The following LRP1B variants were observed in gnomAD, a reference collection of about 807,000 sequenced individuals.
LRP1B encodes low-density lipoprotein receptor-related protein 1B.
In LRP1B, 217 loss-of-function variants were observed where a neutral mutation model predicts 556.6. The ratio of observed to expected loss-of-function variants is 0.39; its 90% CI spans 0.35 to 0.44. The LOEUF is 0.44. Ranked by LOEUF, LRP1B falls within the 20% of genes least tolerant of loss-of-function variation. LRP1B has a pLI of 1.00. For missense variants in LRP1B, 5,053 were observed against 5,620.8 expected (o/e 0.90, Z 3.23); for synonymous variants, 2,047 against 1,865.8 (o/e 1.10, Z -2.50).
intron 1 of LRP1B, among the ~76,000 whole-genome samples, chr2:141,936,241 A>C (rs1025541991): frequency 1.3e-5 from 2 of 152,174 alleles, no homozygotes; most frequent in African/African-American, 4.8e-5. Flanking sequence ...AAAACCAAAA[A>C]CAAAACAAAA....
intron 3 of LRP1B, among the ~76,000 whole-genome samples, chr2:141,415,858 A>G (rs762966836): frequency 1.3e-4 from 20 of 152,236 alleles, no homozygotes; most frequent in Non-Finnish European, 2.6e-4. Context: ...TCAAGGTGCT[A>G]AAACTATTAA....
At chr2:141,775,730 A>G (rs528844988) in intron 2 of LRP1B, among the ~76,000 whole-genome samples, 2 of 152,314 alleles carry the variant, frequency 1.3e-5, no homozygotes, top group South Asian at 2.1e-4. Flanking sequence ...TCTTAATTAC[A>G]TAATTGTCCT....
chr2:142,130,025 G>A (rs1276664557), intron 1 of LRP1B, among the ~76,000 whole-genome samples: 3 of 152,092 alleles, frequency 2.0e-5, no homozygotes, highest in African/African-American at 7.2e-5. Context: ...GAGCACCTGG[G>A]CTGTGTCACA....
intron 41 of LRP1B, among the ~76,000 whole-genome samples, chr2:140,631,852 C>T (rs1253546660): frequency 1.3e-5 from 2 of 152,096 alleles, no homozygotes; most frequent in Non-Finnish European, 2.9e-5. Flanking sequence ...ATATCATATT[C>T]AAACTGTAGG....
Position 141,072,107 on chromosome 2 carries a change from C to T in LRP1B, c.1014-9834G>A, listed in dbSNP as rs1356015985. Among the ~76,000 whole-genome samples the T allele has an allele frequency of 2.0e-5, 3 of 152,098 alleles. 1 individual carries two copies. Among genetic ancestry groups the T allele is most frequent in the South Asian group, 4.1e-4 (2 of 4,832 alleles). ...CTGATACAAACCAACCTCCCCTCTT[C>T]CTACCCCAACCCTTCTGATCTGCAT... On this transcript the variant is annotated intron_variant, in intron 7 of 90. Transcript: ENST00000389484.
chr2:141,625,772 T>C (rs1369227099), intron 2 of LRP1B, among the ~76,000 whole-genome samples: 1 of 152,150 alleles, frequency 6.6e-6, no homozygotes, highest in Non-Finnish European at 1.5e-5. Flanking sequence ...CCTAGGATTT[T>C]TATTAAGAAC....
chr2:141,711,309 G>A (rs80185728), intron 2 of LRP1B, among the ~76,000 whole-genome samples: 6,196 of 152,228 alleles, frequency 0.041, 169 homozygotes, highest in East Asian at 0.089. Flanking sequence ...ATTGGAATTC[G>A]AACCAGGAGA....
intron 1 of LRP1B, among the ~76,000 whole-genome samples, chr2:142,095,189 C>T (rs1206537623): frequency 6.6e-6 from 1 of 150,582 alleles, no homozygotes; most frequent in Admixed American, 6.6e-5. Flanking sequence ...AGAACATATC[C>T]ACAATGGGAT....
intron 6 of LRP1B, among the ~76,000 whole-genome samples, chr2:141,209,705 A>C (rs1034362032): frequency 2.6e-5 from 4 of 152,210 alleles, no homozygotes; most frequent in African/African-American, 9.7e-5. Flanking sequence ...AGGAAATGGC[A>C]GTATAAAAGG....
intron 67 of LRP1B, among the ~76,000 whole-genome samples, chr2:140,380,008 CTAA>C (rs1683403064): frequency 6.6e-6 from 1 of 152,008 alleles, no homozygotes. Context: ...TTTATTATAA[CTAA>C]TAATAATTAC....
chr2:140,555,246 C>A (rs1403965055), intron 43 of LRP1B, among the ~76,000 whole-genome samples: 1 of 150,450 alleles, frequency 6.6e-6, no homozygotes, highest in Middle Eastern at 3.2e-3. Context: ...ACAAATATTA[C>A]TTTAGATGCT....
intron 1 of LRP1B, among the ~76,000 whole-genome samples, chr2:142,073,656 G>A (rs923558589): frequency 2.6e-5 from 4 of 151,978 alleles, no homozygotes; most frequent in Non-Finnish European, 5.9e-5. Context: ...AAATGTTATG[G>A]TTTGGAAATG....
intron 87 of LRP1B, among the ~76,000 whole-genome samples, chr2:140,246,862 C>T (rs1384012633): frequency 6.6e-6 from 1 of 151,460 alleles, no homozygotes; most frequent in East Asian, 1.9e-4. Flanking sequence ...TGAAAACTCC[C>T]CAAATTTGGG....
intron 35 of LRP1B, among the ~76,000 whole-genome samples, chr2:140,724,152 C>T (rs529109019): frequency 5.9e-5 from 9 of 152,018 alleles, no homozygotes; most frequent in South Asian, 4.1e-4. Flanking sequence ...TAATAAGTTC[C>T]GGTAATCTTT....
At chr2:142,078,898 A>G (rs1273380673) in intron 1 of LRP1B, among the ~76,000 whole-genome samples, 2 of 152,134 alleles carry the variant, frequency 1.3e-5, no homozygotes, top group Non-Finnish European at 2.9e-5. Context: ...AGTCTCACAT[A>G]TAGTAGAGAA....
intron 6 of LRP1B, among the ~76,000 whole-genome samples, chr2:141,199,970 T>A (rs892919632): frequency 1.3e-5 from 2 of 152,144 alleles, no homozygotes; most frequent in African/African-American, 2.4e-5. Context: ...TCACACCCTG[T>A]TGGTGGGAGT....
intron 2 of LRP1B, among the ~76,000 whole-genome samples, chr2:141,589,158 G>A (rs544931939): frequency 2.0e-5 from 3 of 152,188 alleles, no homozygotes; most frequent in South Asian, 4.2e-4. Context: ...AGTTAGTCAA[G>A]ATGAACAAAA....
chr2:141,294,655 G>T (rs1322395910), intron 3 of LRP1B, among the ~76,000 whole-genome samples: 1 of 151,410 alleles, frequency 6.6e-6, no homozygotes, highest in Non-Finnish European at 1.5e-5. Context: ...TGGGGGGATG[G>T]CTGGAGCCCA....
intron 3 of LRP1B, among the ~76,000 whole-genome samples, chr2:141,440,598 A>T (rs968734530): frequency 6.6e-6 from 1 of 152,346 alleles, no homozygotes; most frequent in African/African-American, 2.4e-5. Context: ...CATTGCTGTA[A>T]CATTTACTTC....
Sources: gnomAD v4.1 joint callset for allele counts (sites outside exome capture counted in the v4.1 genomes callset) on GRCh38, gnomAD v4.1.1 for gene constraint, MANE v1.5 for transcripts, NCBI Gene and HGNC (gene_info 2026-07-23, HGNC 2026-07-21) for gene names.